The following ARPC1A variants were observed in gnomAD, a reference collection of about 807,000 sequenced individuals.
The protein encoded by ARPC1A is actin related protein 2/3 complex subunit 1A, also known as actin-related protein 2/3 complex subunit 1A.
A neutral mutation model predicts 46.9 loss-of-function variants in ARPC1A; 8 were observed. That is an observed-to-expected ratio of 0.17 (90% CI 0.10 to 0.31). The LOEUF is 0.31. Among genes scored for constraint, ARPC1A ranks in the 10% least tolerant of loss-of-function variants. ARPC1A has a pLI of 1.00. For synonymous variants in ARPC1A, 152 were observed against 169.0 expected (o/e 0.90, Z 0.78); for missense variants, 286 against 483.6 (o/e 0.59, Z 3.83).
chr7:99,350,607 T>C (rs898614765), intron 5 of ARPC1A, among the ~76,000 whole-genome samples: 7 of 150,412 alleles, frequency 4.7e-5, no homozygotes, highest in African/African-American at 1.5e-4. Flanking sequence ...GTTGACTATA[T>C]GGTAGGTTGG....
Position 99,333,225 on chromosome 7 carries a change from T to C in ARPC1A, c.-29-100T>C, listed in dbSNP as rs1793177613. 5.2e-6 allele frequency: 4 copies of C among 772,418 alleles called. No homozygotes were observed. In the African/African-American group the frequency reaches 5.3e-5, roughly 10 times the overall value. The allele number at this position is 772,418 out of a possible 1,614,324, so 47.8% of individuals were successfully genotyped here. A position where few individuals can be genotyped will look rare whatever the true frequency, so the allele number is the denominator to read the frequency against. On this transcript the variant is annotated intron_variant, in intron 1 of 9. Transcript: ENST00000262942. The stretch of plus-strand genomic sequence containing the variant: ...ATTTTTTAATGGGAGGACAATGTTT[T>C]ATTTATTTCCGAACATCTTAAGATC...
At chr7:99,347,561 C>T (rs549252667) in intron 4 of ARPC1A, among the ~76,000 whole-genome samples, 37 of 152,012 alleles carry the variant, frequency 2.4e-4, no homozygotes, top group Admixed American at 1.9e-3. Flanking sequence ...AAAAATTAGC[C>T]GGGCGTGGTG....
At chr7:99,354,224 CAT>C (rs1793594510) in intron 6 of ARPC1A, 103 bp downstream of exon 6, 1 of 1,337,684 alleles carries the variant, frequency 7.5e-7, no homozygotes, top group African/African-American at 1.5e-5. Context: ...AGGGCACAAA[CAT>C]AAAAACCTTA....
intron 4 of ARPC1A, among the ~76,000 whole-genome samples, chr7:99,344,883 A>G (rs1034805949): frequency 2.3e-5 from 3 of 132,590 alleles, no homozygotes; most frequent in South Asian, 4.7e-4. Context: ...TTTTTTTCAC[A>G]GGATATCTAT....
chr7:99,334,574 T>C (rs941689840), intron 2 of ARPC1A, among the ~76,000 whole-genome samples: 17 of 152,202 alleles, frequency 1.1e-4, no homozygotes, highest in Admixed American at 1.0e-3. Context: ...TCCTTTTATG[T>C]AGGACTTTGG....
At chr7:99,326,703 A>T (rs1009689728) in intron 1 of ARPC1A, among the ~76,000 whole-genome samples, 1 of 152,220 alleles carries the variant, frequency 6.6e-6, no homozygotes, top group Non-Finnish European at 1.5e-5. Flanking sequence ...AAGTGAGCTT[A>T]TTTGCATAAA....
intron 1 of ARPC1A, among the ~76,000 whole-genome samples, chr7:99,333,053 C>T (rs1375250734): frequency 6.6e-6 from 1 of 152,022 alleles, no homozygotes; most frequent in Admixed American, 6.6e-5. Context: ...TGTGCCACCA[C>T]GCCCAGCTAA....
intron 6 of ARPC1A, among the ~76,000 whole-genome samples, chr7:99,357,759 CAT>C (rs1020180646): frequency 1.3e-5 from 2 of 152,218 alleles, no homozygotes; most frequent in African/African-American, 4.8e-5. Context: ...CATGCACACA[CAT>C]GTCCCTGCAG....
At chr7:99,338,323 C>T (rs2150862125) in intron 3 of ARPC1A, 38 bp downstream of exon 3, 1 of 1,443,366 alleles carries the variant, frequency 6.9e-7, no homozygotes, top group East Asian at 2.4e-5. Context: ...GTGATATTTC[C>T]AAATCAGGCA....
intron 4 of ARPC1A, 91 bp downstream of exon 4, chr7:99,344,606 A>C: frequency 7.5e-7 from 1 of 1,328,578 alleles, no homozygotes; most frequent in Non-Finnish European, 1.0e-6. Flanking sequence ...AGTTTTTCTC[A>C]TCCGGAGTTG....
chr7:99,361,595 GTTAC>G (rs1793741530), intron 8 of ARPC1A, among the ~76,000 whole-genome samples: 1 of 152,060 alleles, frequency 6.6e-6, no homozygotes, highest in Admixed American at 6.6e-5. Flanking sequence ...ATGGCTCCGA[GTTAC>G]TTCTTGTGAG....
At chr7:99,342,091 T>C (rs1293690492) in intron 3 of ARPC1A, among the ~76,000 whole-genome samples, 2 of 152,164 alleles carry the variant, frequency 1.3e-5, no homozygotes, top group Non-Finnish European at 2.9e-5. Context: ...AGTGGAATAG[T>C]ATAATGAGCC....
At chr7:99,340,040 G>GTT in intron 3 of ARPC1A, 1 of 455,788 alleles carries the variant, frequency 2.2e-6, no homozygotes, top group Non-Finnish European at 4.4e-6. Flanking sequence ...TCATGGAAAA[G>GTT]TTGAGATACT....
chr7:99,361,010 A>G (rs1793731138), intron 8 of ARPC1A, among the ~76,000 whole-genome samples: 1 of 150,984 alleles, frequency 6.6e-6, no homozygotes, highest in African/African-American at 2.4e-5. Context: ...CTGTGTTCAG[A>G]GTTGGGTCCC....
chr7:99,356,598 T>A (rs1793638707), intron 6 of ARPC1A, among the ~76,000 whole-genome samples: 1 of 136,968 alleles, frequency 7.3e-6, no homozygotes. Context: ...AGAGGAAGAC[T>A]CTGTCTCAAA....
At chr7:99,335,489 G>A (rs1793230799) in intron 2 of ARPC1A, 1 of 371,632 alleles carries the variant, frequency 2.7e-6, no homozygotes, top group Non-Finnish European at 5.3e-6. Context: ...TTGGTGGTAA[G>A]TTTTGAAATC....
At chr7:99,337,157 C>T (rs1733204331) in intron 2 of ARPC1A, among the ~76,000 whole-genome samples, 3 of 152,142 alleles carry the variant, frequency 2.0e-5, no homozygotes, top group Admixed American at 2.0e-4. Context: ...CCTGGTGGCT[C>T]ATGCTGGTAA....
intron 2 of ARPC1A, chr7:99,335,577 A>T (rs924009639): frequency 1.0e-5 from 3 of 290,574 alleles, no homozygotes; most frequent in Middle Eastern, 9.0e-4. Context: ...TATGAATTTT[A>T]GGATCAGTTT....
At chr7:99,335,079 C>T (rs982026982) in intron 2 of ARPC1A, among the ~76,000 whole-genome samples, 1 of 152,106 alleles carries the variant, frequency 6.6e-6, no homozygotes, top group African/African-American at 2.4e-5. Context: ...CTCCTGACCT[C>T]GTGATCTGCC....
Sources: gnomAD v4.1 joint callset for allele counts (sites outside exome capture counted in the v4.1 genomes callset) on GRCh38, gnomAD v4.1.1 for gene constraint, MANE v1.5 for transcripts, NCBI Gene and HGNC (gene_info 2026-07-23, HGNC 2026-07-21) for gene names.